The following ABCD2 variants were observed in gnomAD, a reference collection of about 807,000 sequenced individuals.
The protein encoded by ABCD2 is ATP binding cassette subfamily D member 2.
A neutral mutation model predicts 70.9 loss-of-function variants in ABCD2; 36 were observed. That is an observed-to-expected ratio of 0.51 (90% CI 0.39 to 0.67). The LOEUF (loss-of-function observed/expected upper bound fraction) is 0.67. Among genes scored for constraint, ABCD2 ranks in the 30% least tolerant of loss-of-function variants. The pLI is 0.00. For synonymous variants in ABCD2, 304 were observed against 306.9 expected, an observed-to-expected ratio of 0.99 and a Z score of 0.10; for missense variants, 729 against 890.2, an observed-to-expected ratio of 0.82 and a Z score of 2.30.
intron 4 of ABCD2, 152 bp from the exon 5 acceptor site, chr12:39,604,158 C>T (rs993930906): frequency 1.6e-6 from 1 of 607,250 alleles, no homozygotes; most frequent in Non-Finnish European, 2.8e-6. Flanking sequence ...GATATCCAGA[C>T]CTGAAGCAAA....
At chr12:39,559,413 AGTT>A (rs1455008064) in intron 9 of ABCD2, among the ~76,000 whole-genome samples, 2 of 149,812 alleles carry the variant, frequency 1.3e-5, no homozygotes, top group East Asian at 3.9e-4. Context: ...GAAATATATG[AGTT>A]GTTGGTATTC....
chr12:39,544,537 C>G, the ABCD2 span, among the ~76,000 whole-genome samples: 2 of 152,126 alleles, frequency 1.3e-5, no homozygotes, highest in African/African-American at 4.8e-5. Flanking sequence ...AGCCTACACC[C>G]AGGAATGAAC....
At chr12:39,562,640 C>T (rs780986454) in intron 9 of ABCD2, among the ~76,000 whole-genome samples, 1 of 151,916 alleles carries the variant, frequency 6.6e-6, no homozygotes, top group Non-Finnish European at 1.5e-5. Context: ...TATGAAGAAA[C>T]AGAAAATGTC....
At chr12:39,531,639 AC>A in the ABCD2 span, among the ~76,000 whole-genome samples, 1 of 152,230 alleles carries the variant, frequency 6.6e-6, no homozygotes, top group South Asian at 2.1e-4. Flanking sequence ...AATTTTATGT[AC>A]ATCTTCATTC....
chr12:39,554,274 A>C (rs1261997899), intron 9 of ABCD2, 143 bp from the exon 10 acceptor site: 4 of 710,470 alleles, frequency 5.6e-6, no homozygotes, highest in Non-Finnish European at 8.8e-6. Context: ...CATATCAAAA[A>C]GTTAAATACT....
chr12:39,533,112 C>A, the ABCD2 span, among the ~76,000 whole-genome samples: 3 of 151,980 alleles, frequency 2.0e-5, no homozygotes, highest in Non-Finnish European at 4.4e-5. Context: ...TTGCAGTGAG[C>A]CGAGATCGTG....
chr12:39,594,587 T>A (rs1278074117), intron 6 of ABCD2, among the ~76,000 whole-genome samples: 84 of 152,238 alleles, frequency 5.5e-4, no homozygotes, highest in Non-Finnish European at 8.8e-5. Context: ...AATATAGATA[T>A]CAATTAAAGA....
chr12:39,618,739 G>T lies in ABCD2; in HGVS notation c.877C>A (p.Arg293=). ...AEEAHRKGYL[R]YVHSRIIANV... is the part of the protein sequence containing the mutation. ...GCTATAATTCTCGAGTGCACATACC[G>T]CAAATAGCCTTTTCTATGTGCTTCC... The change falls in exon 1 of 10, where the codon CGG becomes AGG. Residue 293 remains arginine (R), a synonymous_variant. Transcript: ENST00000308666. 6.2e-7 allele frequency: 1 copy of T among 1,614,144 alleles called. No homozygotes were observed. Among genetic ancestry groups the T allele is most frequent in the Non-Finnish European group, 8.5e-7 (1 of 1,180,032 alleles).
At chr12:39,566,134 C>T (rs187744195) in intron 9 of ABCD2, among the ~76,000 whole-genome samples, 1 of 152,142 alleles carries the variant, frequency 6.6e-6, no homozygotes, top group Non-Finnish European at 1.5e-5. Flanking sequence ...CAGGATGATG[C>T]TGGCCTCATA....
At chr12:39,558,763 C>T (rs183848498) in intron 9 of ABCD2, among the ~76,000 whole-genome samples, 127 of 152,176 alleles carry the variant, frequency 8.3e-4, no homozygotes, top group Non-Finnish European at 1.5e-3. Flanking sequence ...TATAAATTAT[C>T]CAGTCTCAGG....
At chr12:39,595,427 TA>T (rs1941803135) in intron 6 of ABCD2, among the ~76,000 whole-genome samples, 1 of 152,192 alleles carries the variant, frequency 6.6e-6, no homozygotes, top group African/African-American at 2.4e-5. Context: ...TAGCATAACT[TA>T]TACAGAACAT....
At chr12:39,587,575 T>C (rs1389334291) in intron 6 of ABCD2, among the ~76,000 whole-genome samples, 2 of 152,194 alleles carry the variant, frequency 1.3e-5, no homozygotes, top group Admixed American at 6.5e-5. Context: ...TACCCATTTA[T>C]ATTTAAAAAA....
At chr12:39,579,430 C>G in intron 8 of ABCD2, 105 bp downstream of exon 8, 1 of 739,890 alleles carries the variant, frequency 1.4e-6, no homozygotes. Context: ...TATTTTTAAG[C>G]TACAGATGAA....
intron 3 of ABCD2, among the ~76,000 whole-genome samples, chr12:39,605,322 A>AT (rs1326374168): frequency 1.3e-5 from 2 of 152,010 alleles, no homozygotes; most frequent in Non-Finnish European, 2.9e-5. Context: ...AAAATAGAAG[A>AT]TTTTAAGTAG....
intron 9 of ABCD2, among the ~76,000 whole-genome samples, chr12:39,570,328 TC>T (rs1328146285): frequency 6.6e-6 from 1 of 152,180 alleles, no homozygotes; most frequent in African/African-American, 2.4e-5. Context: ...CTACCTGGTG[TC>T]AAAATATACT....
At chr12:39,535,160 G>C in the ABCD2 span, among the ~76,000 whole-genome samples, 2 of 151,936 alleles carry the variant, frequency 1.3e-5, no homozygotes, top group Non-Finnish European at 2.9e-5. Context: ...GCCACTAGAG[G>C]GCTATCAAAC....
At position 39,553,785 on chromosome 12, in the gene ABCD2, A is replaced by C; in HGVS notation, c.*127T>G. The C allele has an allele frequency of 1.4e-6, 1 of 698,690 alleles. No individual in the cohort carries two copies. The highest frequency in any genetic ancestry group is 2.3e-6 in the Non-Finnish European group (1 of 430,696). The allele number at this position is 698,690 out of a possible 1,614,324, so 43.3% of individuals were successfully genotyped here. A position where few individuals can be genotyped will look rare whatever the true frequency, so the allele number is the denominator to read the frequency against. ...TCAGATCATATACTTCCTTAATGCT[A>C]AAATCTTATAAAACATGTCTTGCTG... On this transcript the variant is annotated 3_prime_UTR_variant, in exon 10 of 10. Coordinates refer to ENST00000308666, the MANE Select transcript of ABCD2 (RefSeq NM_005164.4).
At chr12:39,563,490 C>T (rs544568518) in intron 9 of ABCD2, among the ~76,000 whole-genome samples, 11 of 152,042 alleles carry the variant, frequency 7.2e-5, no homozygotes, top group African/African-American at 2.2e-4. Flanking sequence ...CAGTGTACTA[C>T]TGAAAGTCCT....
chr12:39,569,071 G>A (rs749894675), intron 9 of ABCD2, among the ~76,000 whole-genome samples: 1 of 152,234 alleles, frequency 6.6e-6, no homozygotes, highest in Non-Finnish European at 1.5e-5. Context: ...CTACTTGGGT[G>A]TCAGGGACCC....
Sources: allele counts gnomAD v4.1 joint callset (sites outside exome capture counted in the v4.1 genomes callset), GRCh38; gene constraint gnomAD v4.1.1; transcripts MANE v1.5; gene names NCBI Gene and HGNC (gene_info 2026-07-23, HGNC 2026-07-21).